Variants in ADGRG4 observed in about 807,000 individuals in gnomAD.
ADGRG4 encodes G protein-coupled receptor 112.
A neutral mutation model predicts 126.2 loss-of-function variants in ADGRG4; 122 were observed. The observed-to-expected ratio is 0.97, with a 90% CI of 0.83 to 1.12. The LOEUF is 1.12. Ranked by LOEUF, ADGRG4 falls within the 50% of genes most tolerant of loss-of-function variation. ADGRG4 has a pLI of 0.00. For missense variants in ADGRG4, 2,481 were observed against 2,251.8 expected (o/e 1.10, Z -2.06); for synonymous variants, 943 against 838.7 (o/e 1.12, Z -2.15).
chrX:136,359,851 G>T (rs918835616), intron 11 of ADGRG4, among the ~76,000 whole-genome samples: 3 of 111,718 alleles, frequency 2.7e-5, no homozygotes, highest in Non-Finnish European at 5.6e-5. Flanking sequence ...AGTGATCAGG[G>T]AACTGTCCCA....
Position 136,398,842 on chromosome X carries a change from C to T in ADGRG4, c.8306+840C>T, listed in dbSNP as rs1274901872. On this transcript the variant is annotated intron_variant, in intron 20 of 25. Coordinates refer to ENST00000394143, the MANE Select transcript of ADGRG4 (RefSeq NM_153834.4). Reference sequence around the variant, plus strand: ...ATATGTACAATAATATTTATAGCAGCTTCAGTCACAGTAGCTTCAAATTAG... The same window carrying T: ...ATATGTACAATAATATTTATAGCAGTTTCAGTCACAGTAGCTTCAAATTAG... 2.7e-5 allele frequency among the ~76,000 whole-genome samples: 3 copies of T among 112,082 alleles called. No individual in the cohort carries two copies. In the Admixed American group the frequency reaches 2.8e-4, roughly 11 times the overall value.
At chrX:136,369,850 C>G (rs769378994) in intron 13 of ADGRG4, among the ~76,000 whole-genome samples, 3 of 111,700 alleles carry the variant, frequency 2.7e-5, no homozygotes, top group Non-Finnish European at 3.8e-5. Flanking sequence ...TAGTTCAGTT[C>G]CTATGTGAGC....
intron 25 of ADGRG4, among the ~76,000 whole-genome samples, chrX:136,416,164 T>C (rs1283322523): frequency 8.9e-6 from 1 of 111,948 alleles, no homozygotes; most frequent in East Asian, 2.8e-4. Context: ...CTTGAAGGCC[T>C]CCGAGTTTGT....
chrX:136,347,308 C>T lies in ADGRG4; in HGVS notation c.3602C>T (p.Ala1201Val), dbSNP rs375997078. The T allele has an allele frequency of 3.3e-6, 4 of 1,208,806 alleles. No homozygotes were observed. The highest frequency in any genetic ancestry group is 2.2e-5 in the Admixed American group (1 of 45,712). Residue 1201 changes from alanine (A) to valine (V), a missense_variant, in exon 6 of 26, where the codon GCT becomes GTT. Coordinates refer to ENST00000394143, the MANE Select transcript of ADGRG4 (RefSeq NM_153834.4). ...FSGGGVVASL[A>V]TGTTETSVVD... The stretch of plus-strand genomic sequence containing the variant: ...GGTGGTGGAGTTGTTGCCAGCTTGG[C>T]TACTGGCACCACAGAGACCTCTGTT...
chrX:136,401,874 C>T (rs1419348686), intron 21 of ADGRG4, among the ~76,000 whole-genome samples: 4 of 112,075 alleles, frequency 3.6e-5, no homozygotes, highest in Non-Finnish European at 7.5e-5. Flanking sequence ...TCCTGACAGC[C>T]TCCTGGAGGA....
chrX:136,361,210 A>G (rs909920169), intron 11 of ADGRG4, among the ~76,000 whole-genome samples: 7 of 109,460 alleles, frequency 6.4e-5, no homozygotes, highest in Non-Finnish European at 1.1e-4. Flanking sequence ...ATATGTGGTT[A>G]TACTGGGTGG....
intron 4 of ADGRG4, among the ~76,000 whole-genome samples, chrX:136,313,010 C>A (rs1414217712): frequency 5.3e-5 from 6 of 112,379 alleles, no homozygotes; most frequent in African/African-American, 1.9e-4. Context: ...TATTGCTGAA[C>A]AATATTCAAT....
rs186214790 is a variant in ADGRG4, at chrX:136,322,789, C to A, written c.82C>A (p.Leu28Ile). Residue 28 changes from leucine to isoleucine, a missense_variant, in exon 5 of 26, where the codon CTA (leucine) becomes ATA (isoleucine). Physicochemically the swap from Leu to Ile is conservative, Grantham distance 5. Transcript: ENST00000394143. ...CCAAATTTGGACAGATACACTTTCACTAAAAGGAAAAAAGCTGGATTTTTT... is the reference window on the plus strand; with the variant it reads ...CCAAATTTGGACAGATACACTTTCAATAAAAGGAAAAAAGCTGGATTTTTT... ...SFIFLSDTLS[L>I]KGKKLDFFGR... The A allele has an allele frequency of 2.2e-4, 257 of 1,181,237 alleles. No individual in the cohort carries two copies. Among genetic ancestry groups the A allele is most frequent in the Middle Eastern group, 4.8e-4 (2 of 4,204 alleles).
chrX:136,361,431 A>T, intron 11 of ADGRG4, 24 bp from the exon 12 acceptor site: 1 of 1,082,582 alleles, frequency 9.2e-7, no homozygotes, highest in Non-Finnish European at 1.2e-6. Flanking sequence ...TGTCCTTTAA[A>T]ATGTGCATAC....
chrX:136,337,229 A>G (rs1045624563), intron 5 of ADGRG4, among the ~76,000 whole-genome samples: 1 of 111,635 alleles, frequency 9.0e-6, no homozygotes, highest in Admixed American at 9.5e-5. Context: ...TTGACCTCCC[A>G]AATTTCTAGG....
At chrX:136,331,773 T>G (rs1030727605) in intron 5 of ADGRG4, among the ~76,000 whole-genome samples, 1 of 111,060 alleles carries the variant, frequency 9.0e-6, no homozygotes, top group African/African-American at 3.3e-5. Flanking sequence ...CTGGGTTGTT[T>G]GTTCATTTTA....
intron 13 of ADGRG4, among the ~76,000 whole-genome samples, chrX:136,369,604 CA>C (rs1282074038): frequency 8.9e-6 from 1 of 112,364 alleles, no homozygotes; most frequent in Non-Finnish European, 1.9e-5. Flanking sequence ...CATGACTAGG[CA>C]GCTCTTGTTA....
chrX:136,309,103 A>G (rs2074752276), intron 4 of ADGRG4, among the ~76,000 whole-genome samples: 1 of 112,309 alleles, frequency 8.9e-6, no homozygotes, highest in Non-Finnish European at 1.9e-5. Flanking sequence ...TCTTAAAGCA[A>G]CTCTGAAATG....
chrX:136,316,377 C>T (rs192349570), intron 4 of ADGRG4, among the ~76,000 whole-genome samples: 3 of 109,761 alleles, frequency 2.7e-5, no homozygotes, highest in Admixed American at 9.7e-5. Context: ...AAGCAGAAAA[C>T]AAAGGGATTT....
chrX:136,356,300 C>A, intron 9 of ADGRG4, 135 bp downstream of exon 9: 1 of 379,045 alleles, frequency 2.6e-6, no homozygotes, highest in East Asian at 4.2e-5. Context: ...AATTACATTA[C>A]TTCCTTTGGG....
chrX:136,321,184 T>C (rs980547594), intron 4 of ADGRG4, among the ~76,000 whole-genome samples: 6 of 111,807 alleles, frequency 5.4e-5, no homozygotes, highest in Admixed American at 9.5e-5. Context: ...ACACAAAAGA[T>C]GATAAAGTAA....
At chrX:136,372,810 A>G (rs2075202661) in intron 14 of ADGRG4, 92 bp from the exon 15 acceptor site, 2 of 883,051 alleles carry the variant, frequency 2.3e-6, no homozygotes, top group African/African-American at 3.9e-5. Flanking sequence ...TTAAAACTCA[A>G]AGAAAAGTCT....
Position 136,345,237 on chromosome X carries a change from AC to A in ADGRG4, c.1532del (p.Thr511IlefsTer17). On this transcript the variant is annotated frameshift_variant, in exon 6 of 26. Transcript: ENST00000394143. LOFTEE classifies it high-confidence loss of function. ...TACAGTCCATTCATTGACTCTCCCA[AC>A]TAGGCTTATTGAGACCACACCTGCC... ...AFTVHSLTLP[T>X]RLIETTPAPR... 2 of 1,211,222 alleles carry A rather than the reference AC, an allele frequency of 1.7e-6. No individual in the cohort carries two copies. Among genetic ancestry groups the A allele is most frequent in the Non-Finnish European group, 2.2e-6 (2 of 894,981 alleles).
Position 136,355,986 on chromosome X carries a change from T to C in ADGRG4, c.6888-140T>C, listed in dbSNP as rs1345462614. Reference sequence around the variant, plus strand: ...AGCAAGCCCATTGGAAGCATTCCTCTGGAGCCCTAGCATTATTTGAATTCC... The same window carrying C: ...AGCAAGCCCATTGGAAGCATTCCTCCGGAGCCCTAGCATTATTTGAATTCC... On this transcript the variant is annotated intron_variant, in intron 8 of 25. Transcript: ENST00000394143. The C allele has an allele frequency of 8.3e-6, 3 of 361,002 alleles. No homozygotes were observed. In the East Asian group the frequency reaches 1.3e-4, roughly 15 times the overall value. The allele number at this position is 361,002 out of a possible 1,213,427, so 29.8% of individuals were successfully genotyped here. A position where few individuals can be genotyped will look rare whatever the true frequency, so the allele number is the denominator to read the frequency against.
Sources: allele counts gnomAD v4.1 joint callset (sites outside exome capture counted in the v4.1 genomes callset), GRCh38; gene constraint gnomAD v4.1.1; transcripts MANE v1.5; gene names NCBI Gene and HGNC (gene_info 2026-07-23, HGNC 2026-07-21).